Variants in SGCD observed in about 807,000 individuals in gnomAD.
SGCD encodes the protein sarcoglycan delta.
Under a neutral mutation model 36.6 loss-of-function variants are expected in SGCD, and 18 were observed. The ratio of observed to expected loss-of-function variants is 0.49; its 90% CI spans 0.34 to 0.73. The LOEUF is 0.73. Among genes scored for constraint, SGCD ranks in the 30% least tolerant of loss-of-function variants. The pLI, the probability that SGCD is intolerant of heterozygous loss-of-function variation, is 0.01. For synonymous variants in SGCD, 133 were observed against 130.6 expected (o/e 1.02, Z -0.12); for missense variants, 387 against 346.7 (o/e 1.12, Z -0.92).
At chr5:156,615,871 A>T (rs572390148) in intron 6 of SGCD, among the ~76,000 whole-genome samples, 1 of 152,342 alleles carries the variant, frequency 6.6e-6, no homozygotes, top group Admixed American at 6.5e-5. Context: ...TTAAACTTTC[A>T]ATTAGGTACA....
chr5:156,637,487 T>G (rs535251948), intron 6 of SGCD, among the ~76,000 whole-genome samples: 3 of 152,154 alleles, frequency 2.0e-5, no homozygotes, highest in Non-Finnish European at 4.4e-5. Context: ...CATGCTGATA[T>G]TCAGATAAAA....
chr5:156,457,537 A>G (rs927462169), intron 3 of SGCD, among the ~76,000 whole-genome samples: 1 of 152,224 alleles, frequency 6.6e-6, no homozygotes, highest in Non-Finnish European at 1.5e-5. Context: ...TTAGTGAAGC[A>G]CCAAATTTAT....
chr5:156,314,150 A>G (rs1240591671), intron 3 of SGCD, among the ~76,000 whole-genome samples: 1 of 152,046 alleles, frequency 6.6e-6, no homozygotes, highest in Non-Finnish European at 1.5e-5. Flanking sequence ...AATGAAACAT[A>G]AACAAAAGGC....
chr5:155,827,066 G>T, the SGCD span, among the ~76,000 whole-genome samples: 1 of 152,196 alleles, frequency 6.6e-6, no homozygotes, highest in South Asian at 2.1e-4. Flanking sequence ...CTGAGAGAAA[G>T]CCTGCTTTTT....
intron 6 of SGCD, among the ~76,000 whole-genome samples, chr5:156,627,771 TA>T (rs1325531640): frequency 6.6e-6 from 1 of 152,122 alleles, no homozygotes; most frequent in African/African-American, 2.4e-5. Flanking sequence ...ATGTGTAATT[TA>T]AAAAAATAAA....
chr5:156,556,013 A>G (rs1759004631), intron 4 of SGCD, among the ~76,000 whole-genome samples: 1 of 152,028 alleles, frequency 6.6e-6, no homozygotes, highest in Non-Finnish European at 1.5e-5. Context: ...TTCTGTCTAA[A>G]GAATCCCATT....
At chr5:156,058,768 T>A (rs943609934) in intron 1 of SGCD, among the ~76,000 whole-genome samples, 1 of 146,144 alleles carries the variant, frequency 6.8e-6, no homozygotes, top group African/African-American at 2.5e-5. Flanking sequence ...AGATATATAA[T>A]GGAATATTTA....
At chr5:156,644,887 C>T (rs1187192416) in intron 6 of SGCD, among the ~76,000 whole-genome samples, 1 of 151,328 alleles carries the variant, frequency 6.6e-6, no homozygotes. Flanking sequence ...AGAGGAGAAG[C>T]TGGTTTTTTA....
At chr5:156,379,941 C>G (rs537533437) in intron 3 of SGCD, among the ~76,000 whole-genome samples, 1 of 152,306 alleles carries the variant, frequency 6.6e-6, no homozygotes, top group Admixed American at 6.5e-5. Context: ...AAATAGCCCA[C>G]TCTTTGGATT....
intron 7 of SGCD, among the ~76,000 whole-genome samples, chr5:156,731,781 C>T (rs1756075434): frequency 6.6e-6 from 1 of 152,120 alleles, no homozygotes; most frequent in Non-Finnish European, 1.5e-5. Flanking sequence ...GCTATTTTCA[C>T]AATATTGATT....
chr5:156,046,406 A>T (rs1184796826), intron 1 of SGCD, among the ~76,000 whole-genome samples: 2 of 152,060 alleles, frequency 1.3e-5, no homozygotes, highest in Admixed American at 6.5e-5. Context: ...TGCTTCACAG[A>T]TACTGTGTTT....
At chr5:156,136,455 A>G (rs1014973499) in intron 3 of SGCD, among the ~76,000 whole-genome samples, 29 of 152,192 alleles carry the variant, frequency 1.9e-4, no homozygotes, top group African/African-American at 6.8e-4. Context: ...TTTCTCAGAA[A>G]TGGATGACCA....
chr5:156,303,254 C>T (rs929093948), intron 3 of SGCD, among the ~76,000 whole-genome samples: 8 of 152,140 alleles, frequency 5.3e-5, no homozygotes, highest in African/African-American at 1.2e-4. Context: ...CCCATGGCCA[C>T]CACTGTCCCA....
chr5:156,069,385 T>A (rs185487565), intron 1 of SGCD, among the ~76,000 whole-genome samples: 2 of 152,270 alleles, frequency 1.3e-5, no homozygotes, highest in East Asian at 3.9e-4. Context: ...TAGGGAATCC[T>A]TTCCCCATTG....
intron 3 of SGCD, among the ~76,000 whole-genome samples, chr5:156,491,901 T>C (rs1755960479): frequency 6.6e-6 from 1 of 152,244 alleles, no homozygotes; most frequent in East Asian, 1.9e-4. Context: ...GCCTGGCATC[T>C]CATTCTGGGA....
intron 3 of SGCD, among the ~76,000 whole-genome samples, chr5:156,225,678 C>CAATATTATCCTTAAAATATCTATGATAT (rs1764836193): frequency 6.6e-6 from 1 of 151,982 alleles, no homozygotes; most frequent in South Asian, 2.1e-4. Flanking sequence ...ATTATTGTCT[C>CAATATTATCCTTAAAATATCTATGATAT]TATCAATAGT....
chr5:155,751,884 GC>G, the SGCD span, among the ~76,000 whole-genome samples: 15 of 152,216 alleles, frequency 9.9e-5, no homozygotes, highest in Non-Finnish European at 2.1e-4. Flanking sequence ...AGTACAACGT[GC>G]TTTGAAGTCA....
At chr5:156,099,930 T>C (rs1052902943) in intron 1 of SGCD, among the ~76,000 whole-genome samples, 2 of 151,632 alleles carry the variant, frequency 1.3e-5, no homozygotes, top group Non-Finnish European at 2.9e-5. Context: ...AAAATTTTTT[T>C]CTTTGTACTT....
At chr5:155,817,634 A>T in the SGCD span, among the ~76,000 whole-genome samples, 9 of 152,256 alleles carry the variant, frequency 5.9e-5, no homozygotes, top group African/African-American at 9.6e-5. Flanking sequence ...AAATAATAAG[A>T]ATTATTTAAA....
Sources: gnomAD v4.1 joint callset for allele counts (sites outside exome capture counted in the v4.1 genomes callset) on GRCh38, gnomAD v4.1.1 for gene constraint, MANE v1.5 for transcripts, NCBI Gene and HGNC (gene_info 2026-07-23, HGNC 2026-07-21) for gene names.